SAMTOR: variants seen among roughly 807,000 people sequenced by gnomAD.
The protein encoded by SAMTOR is S-adenosylmethionine sensor upstream of mTORC1, also known as UPF0532 protein C7orf60.
At chr7:112,849,621 C>G in the SAMTOR span, among the ~76,000 whole-genome samples, 3 of 152,178 alleles carry the variant, frequency 2.0e-5, no homozygotes, top group African/African-American at 4.8e-5. Flanking sequence ...CTGGCTAGGA[C>G]TTCCCGTACT....
the SAMTOR span, among the ~76,000 whole-genome samples, chr7:112,867,137 G>A: frequency 2.0e-5 from 3 of 152,196 alleles, no homozygotes; most frequent in Non-Finnish European, 2.9e-5. Context: ...CCTAGCAATG[G>A]ATCCTAACCT....
the SAMTOR span, among the ~76,000 whole-genome samples, chr7:112,848,922 G>A: frequency 2.0e-5 from 3 of 151,890 alleles, no homozygotes; most frequent in South Asian, 2.1e-4. Context: ...GGTGGTACAC[G>A]CCTGTAATCC....
the SAMTOR span, among the ~76,000 whole-genome samples, chr7:112,896,549 T>G: frequency 6.6e-6 from 1 of 152,204 alleles, no homozygotes; most frequent in Non-Finnish European, 1.5e-5. Context: ...TAACTTATAC[T>G]ATGTAGATTT....
the SAMTOR span, among the ~76,000 whole-genome samples, chr7:112,838,418 A>T: frequency 6.6e-6 from 1 of 151,894 alleles, no homozygotes; most frequent in East Asian, 1.9e-4. Context: ...AATCTCTGCA[A>T]ATTGATTTAA....
chr7:112,899,161 T>C, the SAMTOR span, among the ~76,000 whole-genome samples: 2 of 152,050 alleles, frequency 1.3e-5, no homozygotes, highest in Non-Finnish European at 2.9e-5. Context: ...TCCAAATAGC[T>C]TTTTGAGGAA....
chr7:112,874,925 G>C, the SAMTOR span, among the ~76,000 whole-genome samples: 10 of 152,062 alleles, frequency 6.6e-5, no homozygotes, highest in Non-Finnish European at 1.2e-4. Context: ...TGGACCCTTA[G>C]GTCACATAAC....
the SAMTOR span, among the ~76,000 whole-genome samples, chr7:112,929,421 T>G: frequency 1.3e-5 from 2 of 151,884 alleles, no homozygotes; most frequent in East Asian, 3.9e-4. Context: ...ATGGCTATTA[T>G]CAAAAAGACC....
At chr7:112,894,842 T>A in the SAMTOR span, among the ~76,000 whole-genome samples, 8 of 152,136 alleles carry the variant, frequency 5.3e-5, no homozygotes, top group Admixed American at 5.2e-4. Flanking sequence ...ATTGGGAAAA[T>A]GGTGCCAATC....
the SAMTOR span, among the ~76,000 whole-genome samples, chr7:112,855,232 T>C: frequency 6.6e-6 from 1 of 152,228 alleles, no homozygotes; most frequent in Admixed American, 6.5e-5. Flanking sequence ...TCGTTTTCCA[T>C]GCATAAGATT....
chr7:112,894,920 T>C, the SAMTOR span, among the ~76,000 whole-genome samples: 1 of 152,190 alleles, frequency 6.6e-6, no homozygotes, highest in South Asian at 2.1e-4. Context: ...TGAAGTACAA[T>C]AAAGCAAGCG....
the SAMTOR span, among the ~76,000 whole-genome samples, chr7:112,877,637 T>C: frequency 3.9e-5 from 6 of 152,248 alleles, no homozygotes; most frequent in South Asian, 1.2e-3. Context: ...CTGGTATAGT[T>C]TGGATATTTG....
At chr7:112,882,362 G>C in the SAMTOR span, among the ~76,000 whole-genome samples, 2 of 152,172 alleles carry the variant, frequency 1.3e-5, no homozygotes, top group South Asian at 4.1e-4. Flanking sequence ...TTTCTGGCTG[G>C]AAAAGTGACA....
the SAMTOR span, among the ~76,000 whole-genome samples, chr7:112,869,813 A>G: frequency 1.3e-5 from 2 of 152,222 alleles, no homozygotes; most frequent in Non-Finnish European, 2.9e-5. Context: ...ATTCAACAGA[A>G]AACAGAAAAA....
At chr7:112,872,833 T>A in the SAMTOR span, among the ~76,000 whole-genome samples, 2 of 150,574 alleles carry the variant, frequency 1.3e-5, no homozygotes, top group Non-Finnish European at 3.0e-5. Context: ...ATTTAAAAAA[T>A]CAGTAGCATT....
At chr7:112,912,563 C>T in the SAMTOR span, among the ~76,000 whole-genome samples, 1 of 151,982 alleles carries the variant, frequency 6.6e-6, no homozygotes, top group South Asian at 2.1e-4. Context: ...CTGCATATAG[C>T]TCATAATTAT....
the SAMTOR span, among the ~76,000 whole-genome samples, chr7:112,848,390 A>T: frequency 6.6e-6 from 1 of 152,232 alleles, no homozygotes; most frequent in Non-Finnish European, 1.5e-5. Flanking sequence ...TCTATCTGTT[A>T]GCCTGTTTCA....
At chr7:112,842,148 A>C in the SAMTOR span, among the ~76,000 whole-genome samples, 1 of 151,958 alleles carries the variant, frequency 6.6e-6, no homozygotes, top group Non-Finnish European at 1.5e-5. Context: ...CTTTGAGTAG[A>C]AGTCTCTTTG....
the SAMTOR span, among the ~76,000 whole-genome samples, chr7:112,872,629 C>A: frequency 1.3e-5 from 2 of 151,818 alleles, no homozygotes; most frequent in Non-Finnish European, 2.9e-5. Flanking sequence ...AAGTCCTAGC[C>A]AGAGCAATCA....
chr7:112,842,005 A>AAT, the SAMTOR span, among the ~76,000 whole-genome samples: 1 of 152,004 alleles, frequency 6.6e-6, no homozygotes, highest in Non-Finnish European at 1.5e-5. Context: ...TCATAATTCT[A>AAT]ATATACAAAG....
Sources: gnomAD v4.1 joint callset for allele counts (sites outside exome capture counted in the v4.1 genomes callset) on GRCh38, gnomAD v4.1.1 for gene constraint, MANE v1.5 for transcripts, NCBI Gene and HGNC (gene_info 2026-07-23, HGNC 2026-07-21) for gene names.